Variants in CSMD2 observed in about 807,000 individuals in gnomAD.
The protein encoded by CSMD2 is CUB and Sushi multiple domains 2.
A neutral mutation model predicts 398.5 loss-of-function variants in CSMD2; 130 were observed. The observed-to-expected ratio is 0.33, with a 90% confidence interval of 0.28 to 0.38. The LOEUF is 0.38. Ranked by LOEUF, CSMD2 falls within the 10% of genes least tolerant of loss-of-function variation. CSMD2 has a pLI of 1.00. For missense variants in CSMD2, 3,829 were observed against 4,764.9 expected, an observed-to-expected ratio of 0.80 and a Z score of 5.78; for synonymous variants, 1,828 against 1,908.5, an observed-to-expected ratio of 0.96 and a Z score of 1.10.
At chr1:33,561,894 C>T (rs12122667) in intron 53 of CSMD2, among the ~76,000 whole-genome samples, 17,871 of 152,100 alleles carry the variant, frequency 0.12, 1,326 homozygotes, top group East Asian at 0.23. Flanking sequence ...TTACTTTCAC[C>T]GGATTTGGAA....
chr1:33,644,522 C>T (rs147111905), intron 29 of CSMD2, among the ~76,000 whole-genome samples: 143 of 152,240 alleles, frequency 9.4e-4, no homozygotes, highest in Admixed American at 2.4e-3. Flanking sequence ...GGACATCACT[C>T]GTAGTGACTC....
intron 3 of CSMD2, among the ~76,000 whole-genome samples, chr1:34,006,510 G>A (rs1039305429): frequency 8.5e-5 from 13 of 152,244 alleles, no homozygotes; most frequent in Non-Finnish European, 8.8e-5. Flanking sequence ...GATAAAGATA[G>A]GTGAGTAGCC....
At chr1:33,594,878 C>A (rs911895675) in intron 44 of CSMD2, among the ~76,000 whole-genome samples, 1 of 152,106 alleles carries the variant, frequency 6.6e-6, no homozygotes, top group African/African-American at 2.4e-5. Context: ...TTGGAGCAGC[C>A]ACAAAGGTAT....
chr1:33,992,692 C>A (rs1047403618), intron 3 of CSMD2, among the ~76,000 whole-genome samples: 4 of 150,860 alleles, frequency 2.7e-5, no homozygotes, highest in Non-Finnish European at 4.4e-5. Context: ...CATGGTGAAA[C>A]CCTGTCTCTA....
intron 25 of CSMD2, among the ~76,000 whole-genome samples, chr1:33,688,884 A>G (rs1335757716): frequency 6.6e-6 from 1 of 152,230 alleles, no homozygotes; most frequent in African/African-American, 2.4e-5. Flanking sequence ...CTAATAAAAA[A>G]GATAATAACT....
At chr1:33,898,009 C>T (rs1036354207) in intron 5 of CSMD2, among the ~76,000 whole-genome samples, 2 of 152,094 alleles carry the variant, frequency 1.3e-5, no homozygotes, top group Non-Finnish European at 2.9e-5. Context: ...TAATATTGCC[C>T]CAATTAAACC....
chr1:33,580,673 T>C (rs970980079), intron 48 of CSMD2, 80 bp downstream of exon 48: 6 of 1,516,856 alleles, frequency 4.0e-6, no homozygotes, highest in Non-Finnish European at 5.4e-6. Flanking sequence ...AGGAGGGGAA[T>C]GGCCGCCCGG....
chr1:34,029,867 G>T (rs1650187372), intron 3 of CSMD2, among the ~76,000 whole-genome samples: 1 of 152,242 alleles, frequency 6.6e-6, no homozygotes, highest in African/African-American at 2.4e-5. Context: ...TCATTATGTG[G>T]CTGAGGTGAA....
At chr1:33,784,363 C>G (rs1243216149) in intron 12 of CSMD2, among the ~76,000 whole-genome samples, 1 of 152,012 alleles carries the variant, frequency 6.6e-6, no homozygotes, top group Non-Finnish European at 1.5e-5. Flanking sequence ...AACCCACCCA[C>G]CTTTTTATAG....
chr1:34,072,625 G>A (rs1655856900), intron 2 of CSMD2, among the ~76,000 whole-genome samples: 1 of 152,200 alleles, frequency 6.6e-6, no homozygotes, highest in African/African-American at 2.4e-5. Flanking sequence ...TCTGGCTCCA[G>A]GGGGTGTTAA....
chr1:34,088,319 G>C (rs1411659030), intron 2 of CSMD2, among the ~76,000 whole-genome samples: 1 of 152,200 alleles, frequency 6.6e-6, no homozygotes, highest in Non-Finnish European at 1.5e-5. Context: ...GGGTCACCTA[G>C]AGAGTTTTGA....
chr1:33,817,308 A>G (rs1447021776), intron 9 of CSMD2, among the ~76,000 whole-genome samples: 1 of 152,198 alleles, frequency 6.6e-6, no homozygotes, highest in Non-Finnish European at 1.5e-5. Context: ...CAGGAATATT[A>G]ACCTGTGTTG....
At chr1:34,108,703 G>A (rs1660759184) in intron 1 of CSMD2, among the ~76,000 whole-genome samples, 2 of 152,148 alleles carry the variant, frequency 1.3e-5, no homozygotes, top group South Asian at 4.2e-4. Flanking sequence ...AGGCTGAAGA[G>A]GGAAAGGGGT....
At chr1:34,066,542 C>G (rs1400214977) in intron 2 of CSMD2, among the ~76,000 whole-genome samples, 1 of 152,192 alleles carries the variant, frequency 6.6e-6, no homozygotes. Context: ...GAAGCTCGAG[C>G]TGCAAGTCTT....
chr1:34,093,924 C>T (rs1658958207), intron 1 of CSMD2, among the ~76,000 whole-genome samples: 1 of 150,494 alleles, frequency 6.6e-6, no homozygotes, highest in Admixed American at 6.6e-5. Context: ...AAAGATACTC[C>T]TCGAGAAGAG....
intron 39 of CSMD2, among the ~76,000 whole-genome samples, chr1:33,616,101 C>T (rs1641366092): frequency 6.6e-6 from 1 of 152,192 alleles, no homozygotes; most frequent in African/African-American, 2.4e-5. Flanking sequence ...CCTAACTGGA[C>T]CAGAAGCTTC....
chr1:33,643,134 G>A (rs1643207096), intron 29 of CSMD2, among the ~76,000 whole-genome samples: 1 of 152,148 alleles, frequency 6.6e-6, no homozygotes, highest in South Asian at 2.1e-4. Context: ...GGATGCAGAG[G>A]CCAATTCTGC....
At chr1:33,534,050 T>G in intron 62 of CSMD2, 143 bp from the exon 63 acceptor site, 2 of 603,652 alleles carry the variant, frequency 3.3e-6, no homozygotes, top group Non-Finnish European at 5.9e-6. Flanking sequence ...CTGGTTAAAT[T>G]TTCTTCTTCC....
intron 2 of CSMD2, among the ~76,000 whole-genome samples, chr1:34,076,272 G>A (rs1425028047): frequency 6.6e-6 from 1 of 152,228 alleles, no homozygotes; most frequent in Non-Finnish European, 1.5e-5. Context: ...GGCTTGAATG[G>A]GTTGACTCAC....
Sources: allele counts gnomAD v4.1 joint callset (sites outside exome capture counted in the v4.1 genomes callset), GRCh38; gene constraint gnomAD v4.1.1; transcripts MANE v1.5; gene names NCBI Gene and HGNC (gene_info 2026-07-23, HGNC 2026-07-21).